EYS: variants seen among roughly 807,000 people sequenced by gnomAD.
EYS encodes protein eyes shut homolog.
EYS carries 250 observed loss-of-function variants against 282.1 expected under a neutral mutation model. That is an observed-to-expected ratio of 0.89 (90% CI 0.80 to 0.98). EYS has a LOEUF of 0.98. Ranked by LOEUF, EYS falls within the 50% of genes least tolerant of loss-of-function variation. EYS has a pLI of 0.00. For synonymous variants in EYS, 1,355 were observed against 1,282.9 expected, an observed-to-expected ratio of 1.06 and a Z score of -1.20; for missense variants, 4,016 against 3,709.0, an observed-to-expected ratio of 1.08 and a Z score of -2.15.
chr6:65,411,488 T>A (rs1767009576), intron 5 of EYS, among the ~76,000 whole-genome samples: 1 of 152,058 alleles, frequency 6.6e-6, no homozygotes, highest in African/African-American at 2.4e-5. Context: ...ACTAGAAAAT[T>A]GGCATTAGCA....
Position 64,161,926 on chromosome 6 carries a change from T to C in EYS, c.6424+68666A>G, listed in dbSNP as rs918418873. On this transcript the variant is annotated intron_variant, in intron 31 of 42. Transcript: ENST00000503581. The stretch of plus-strand genomic sequence containing the variant: ...GTGAATATTATATTTATCTCTTTTA[T>C]ATTTTTTCTGTTCAAGTTTTTCTTG... Among the ~76,000 whole-genome samples the C allele has an allele frequency of 2.0e-5, 3 of 152,332 alleles. No individual in the cohort carries two copies. The South Asian group carries it at 6.2e-4, about 32-fold the overall frequency.
intron 31 of EYS, among the ~76,000 whole-genome samples, chr6:64,224,637 T>C (rs1416526767): frequency 6.6e-6 from 1 of 152,162 alleles, no homozygotes; most frequent in Non-Finnish European, 1.5e-5. Flanking sequence ...AATATTTTTC[T>C]CGATGACCTA....
chr6:63,825,924 G>A (rs551845510), intron 36 of EYS, among the ~76,000 whole-genome samples: 1 of 152,264 alleles, frequency 6.6e-6, no homozygotes, highest in East Asian at 1.9e-4. Context: ...AAGAATTCAG[G>A]AGGTTAGTTA....
chr6:63,998,655 A>C (rs922236926), intron 34 of EYS, among the ~76,000 whole-genome samples: 1 of 152,184 alleles, frequency 6.6e-6, no homozygotes, highest in Non-Finnish European at 1.5e-5. Context: ...TTTCTAAGAG[A>C]AATTTTCTGG....
At chr6:65,158,915 A>G (rs545933266) in intron 12 of EYS, among the ~76,000 whole-genome samples, 3 of 151,086 alleles carry the variant, frequency 2.0e-5, no homozygotes, top group East Asian at 3.9e-4. Flanking sequence ...TGCAAGTTCT[A>G]TGAAGCATTC....
chr6:65,051,136 AG>A, intron 13 of EYS, among the ~76,000 whole-genome samples: 1 of 151,754 alleles, frequency 6.6e-6, no homozygotes, highest in Non-Finnish European at 1.5e-5. Context: ...TTGAGAATCA[AG>A]CAATAATTTA....
At chr6:65,616,354 A>C (rs1194483688) in intron 2 of EYS, among the ~76,000 whole-genome samples, 2 of 152,200 alleles carry the variant, frequency 1.3e-5, no homozygotes, top group African/African-American at 4.8e-5. Flanking sequence ...GCAAATAATC[A>C]AATCACTGTT....
intron 12 of EYS, among the ~76,000 whole-genome samples, chr6:65,090,024 T>C (rs995413633): frequency 8.2e-5 from 12 of 145,690 alleles, no homozygotes; most frequent in African/African-American, 3.0e-4. Context: ...CACACACACT[T>C]TGGGGGACAG....
chr6:64,245,469 T>G (rs1766981752), intron 30 of EYS, among the ~76,000 whole-genome samples: 2 of 149,634 alleles, frequency 1.3e-5, no homozygotes, highest in South Asian at 4.1e-4. Flanking sequence ...TGTGAGCCAC[T>G]GCACCTGGCT....
intron 31 of EYS, among the ~76,000 whole-genome samples, chr6:64,133,362 A>G (rs1211329378): frequency 6.6e-6 from 1 of 151,964 alleles, no homozygotes; most frequent in African/African-American, 2.4e-5. Context: ...TTTTCATCTG[A>G]TATCTCCCTA....
chr6:65,284,918 T>C (rs1471693137), intron 12 of EYS, among the ~76,000 whole-genome samples: 1 of 151,856 alleles, frequency 6.6e-6, no homozygotes, highest in East Asian at 1.9e-4. Flanking sequence ...AGAGGTATTC[T>C]ATTTGTAATG....
chr6:64,630,644 C>T (rs1228648503), intron 22 of EYS, among the ~76,000 whole-genome samples: 1 of 152,116 alleles, frequency 6.6e-6, no homozygotes, highest in East Asian at 1.9e-4. Flanking sequence ...GGAATGAACT[C>T]CACTTGCTAA....
chr6:63,898,279 G>A (rs1028185465), intron 35 of EYS, among the ~76,000 whole-genome samples: 24 of 152,138 alleles, frequency 1.6e-4, no homozygotes, highest in African/African-American at 5.6e-4. Flanking sequence ...ACGAGGTCAG[G>A]AGTTGGAGAC....
chr6:65,212,028 CTGTGAAGCAAGGAA>C (rs746659523), intron 12 of EYS, among the ~76,000 whole-genome samples: 15 of 151,714 alleles, frequency 9.9e-5, no homozygotes, highest in Non-Finnish European at 2.2e-4. Flanking sequence ...ATTGTGTTTA[CTGTGAAGCAAGGAA>C]AACAAAACAT....
At chr6:65,292,096 GA>G (rs1665308933) in intron 12 of EYS, among the ~76,000 whole-genome samples, 1 of 151,608 alleles carries the variant, frequency 6.6e-6, no homozygotes, top group South Asian at 2.1e-4. Context: ...TTTTCTGAAG[GA>G]AGACTACAAT....
chr6:65,607,086 T>C (rs354395), intron 2 of EYS, among the ~76,000 whole-genome samples: 117,596 of 151,568 alleles, frequency 0.78, 45,736 homozygotes, highest in Middle Eastern at 0.82. Flanking sequence ...GATATTGTGA[T>C]AATTTCTTGT....
intron 5 of EYS, among the ~76,000 whole-genome samples, chr6:65,407,524 G>A (rs1028613332): frequency 6.6e-6 from 1 of 152,100 alleles, no homozygotes; most frequent in Non-Finnish European, 1.5e-5. Context: ...AAAGTGCTGG[G>A]ATTACAGGCG....
intron 35 of EYS, among the ~76,000 whole-genome samples, chr6:63,874,137 T>G (rs1215031260): frequency 4.6e-5 from 7 of 152,238 alleles, no homozygotes. Context: ...GGCCTAACAT[T>G]TAAGTCTTTA....
chr6:65,430,142 CT>C (rs1416172571), intron 5 of EYS, among the ~76,000 whole-genome samples: 1 of 152,146 alleles, frequency 6.6e-6, no homozygotes, highest in African/African-American at 2.4e-5. Context: ...ATCTTCCCCC[CT>C]CTTCAGGGAC....
Sources: gnomAD v4.1 joint callset for allele counts (sites outside exome capture counted in the v4.1 genomes callset) on GRCh38, gnomAD v4.1.1 for gene constraint, MANE v1.5 for transcripts, NCBI Gene and HGNC (gene_info 2026-07-23, HGNC 2026-07-21) for gene names.